APOA4: variants seen among roughly 807,000 people sequenced by gnomAD.
The protein encoded by APOA4 is apolipoprotein A-IV.
APOA4 carries 25 observed loss-of-function variants against 33.6 expected under a neutral mutation model. That is an observed-to-expected ratio of 0.74 (90% confidence interval 0.54 to 1.04). The LOEUF (loss-of-function observed/expected upper bound fraction) is 1.04, where lower values mean the gene tolerates loss of function less well. Among genes scored for constraint, APOA4 ranks in the 50% least tolerant of loss-of-function variants. The pLI is 0.00. For synonymous variants in APOA4, 228 were observed against 224.0 expected, an observed-to-expected ratio of 1.02 and a Z score of -0.16; for missense variants, 549 against 510.4, an observed-to-expected ratio of 1.08 and a Z score of -0.73.
At chr11:116,822,029 G>C (rs1941333392) in intron 2 of APOA4, 148 bp from the exon 3 acceptor site, 1 of 944,418 alleles carries the variant, frequency 1.1e-6, no homozygotes, top group Non-Finnish European at 1.7e-6. Context: ...TGGTGGTGCA[G>C]ATTGGAGAGG....
At chr11:116,823,043 A>G in intron 1 of APOA4, 100 bp downstream of exon 1, 6 of 1,493,640 alleles carry the variant, frequency 4.0e-6, no homozygotes, top group Non-Finnish European at 5.6e-6. Flanking sequence ...CTGGGGGCTG[A>G]TGGGCACTCA....
In APOA4 at chr11:116,822,700, G is replaced by A. The variant is rs138490533; in HGVS notation, c.135C>T (p.Ala45=). Residue 45 remains alanine, a synonymous_variant, in exon 2 of 3, where the codon GCC becomes GCT. Transcript: ENST00000357780. ...GTTCAGATTTCTGGAGATGTTCCACGGCCTCCTTGGCATTGTTGCTCAGCT... is the reference window on the plus strand; with the variant it reads ...GTTCAGATTTCTGGAGATGTTCCACAGCCTCCTTGGCATTGTTGCTCAGCT... ...FSQLSNNAKE[A]VEHLQKSELT... is the part of the protein sequence containing the mutation. 32 of 1,614,184 alleles carry A rather than the reference G, an allele frequency of 2.0e-5. No individual in the cohort carries two copies. The highest frequency in any genetic ancestry group is 1.7e-4 in the African/African-American group (13 of 75,044).
At chr11:116,822,906 A>G in intron 1 of APOA4, 121 bp from the exon 2 acceptor site, 2 of 1,543,970 alleles carry the variant, frequency 1.3e-6, no homozygotes, top group East Asian at 4.5e-5. Flanking sequence ...TCCCTGTCTG[A>G]GCTTAGCTTT....
At position 116,822,684 on chromosome 11, in the gene APOA4, T is replaced by C. The variant is rs756047025; in HGVS notation, c.151A>G (p.Lys51Glu). The C allele has an allele frequency of 6.2e-7, 1 of 1,614,200 alleles. No individual in the cohort carries two copies. Among genetic ancestry groups the C allele is most frequent in the Non-Finnish European group, 8.5e-7 (1 of 1,180,038 alleles). ...TTGAGTTGCTGGGTGAGTTCAGATT[T>C]CTGGAGATGTTCCACGGCCTCCTTG... ...NAKEAVEHLQ[K>E]SELTQQLNAL... Residue 51 changes from lysine (K) to glutamate (E), a missense_variant, in exon 2 of 3, where the codon AAA becomes GAA. Physicochemically the swap from Lys to Glu is moderately conservative, Grantham distance 56. Coordinates refer to ENST00000357780, the MANE Select transcript of APOA4 (RefSeq NM_000482.4).
rs762156180 is a variant in APOA4 at position 116,821,136 on chromosome 11, CCA to C, written c.920_921del (p.Val307GlyfsTer65). The C allele has an allele frequency of 1.9e-6, 3 of 1,613,770 alleles. No individual in the cohort carries two copies. Among genetic ancestry groups the C allele is most frequent in the Non-Finnish European group, 2.5e-6 (3 of 1,180,048 alleles). ...TTGTTGAAGTTTTCCCCGTAGGGCT[CCA>C]CCCGGCGTCGGAACTCCTCCACCTG... ...DQQVEEFRRR[V>X]EPYGENFNKA... On this transcript the variant is annotated frameshift_variant, in exon 3 of 3. Transcript: ENST00000357780. LOFTEE classifies it high-confidence loss of function.
intron 2 of APOA4, 152 bp downstream of exon 2, chr11:116,822,507 T>G: frequency 8.7e-7 from 1 of 1,150,400 alleles, no homozygotes; most frequent in Non-Finnish European, 1.3e-6. Flanking sequence ...GGTTTACATA[T>G]GTGGATCCTA....
In APOA4 at chr11:116,821,656, G is replaced by A; in HGVS notation, c.402C>T (p.Arg134=). The part of the protein sequence containing the change: ...IGDNLRELQQ[R]LEPYADQLRT... ...GCAGCTGGTCCGCGTAGGGCTCCAG[G>A]CGCTGCTGAAGCTCTCGCAGGTTGT... Residue 134 remains arginine (R), a synonymous_variant, in exon 3 of 3, where the codon CGC becomes CGT. Coordinates refer to ENST00000357780, the MANE Select transcript of APOA4 (RefSeq NM_000482.4). The A allele has an allele frequency of 6.2e-7, 1 of 1,608,482 alleles. No individual in the cohort carries two copies. The highest frequency in any genetic ancestry group is 8.5e-7 in the Non-Finnish European group (1 of 1,176,016).
At position 116,822,828 on chromosome 11, in the gene APOA4, T is replaced by G. The variant is rs762295319; in HGVS notation, c.50-43A>C. The G allele has an allele frequency of 1.4e-5, 23 of 1,612,638 alleles. No individual in the cohort carries two copies. In the South Asian group the frequency reaches 2.2e-4, roughly 15 times the overall value. ...GCAATTCATGAGGCCCCGTCTCCTG[T>G]GTGGCCCCTCTGCTCCAGCTCTGAG... On this transcript the variant is annotated intron_variant, in intron 1 of 2. Coordinates refer to ENST00000357780, the MANE Select transcript of APOA4 (RefSeq NM_000482.4).
At position 116,821,192 on chromosome 11, in the gene APOA4, A is replaced by G; in HGVS notation, c.866T>C (p.Leu289Pro). Reference protein sequence around the residue: ...RGNTEGLQKSLAELGGHLDQQ... With the variant: ...RGNTEGLQKSPAELGGHLDQQ... ...GTCCAGGTGCCCACCCAGCTCTGCC[A>G]GTGACTTCTGCAGCCCCTCGGTGTT... is the stretch of plus-strand genomic sequence containing the variant. The change falls in exon 3 of 3, where the codon CTG becomes CCG. Residue 289 changes from leucine (L) to proline (P), a missense_variant. Physicochemically the swap from Leu to Pro is moderately conservative, Grantham distance 98. Coordinates refer to ENST00000357780, the MANE Select transcript of APOA4 (RefSeq NM_000482.4). 6.2e-7 allele frequency: 1 copy of G among 1,613,362 alleles called. No individual in the cohort carries two copies. Among genetic ancestry groups the G allele is most frequent in the Non-Finnish European group, 8.5e-7 (1 of 1,180,020 alleles).
chr11:116,821,793 C>T lies in APOA4; in HGVS notation c.265G>A (p.Glu89Lys). 2 of 1,594,830 alleles carry T rather than the reference C, an allele frequency of 1.3e-6. No individual in the cohort carries two copies. Among genetic ancestry groups the T allele is most frequent in the Non-Finnish European group, 1.7e-6 (2 of 1,162,382 alleles). ...TTCTCCGAGTCCTTGGCCAGGCGTT[C>T]ATGCAGCTCGGTGGCAAAGGGCACC... is the stretch of plus-strand genomic sequence containing the variant. The part of the protein sequence containing the change: ...KLVPFATELH[E>K]RLAKDSEKLK... The change falls in exon 3 of 3, where the codon GAA (glutamate) becomes AAA (lysine). Residue 89 changes from glutamate to lysine, a missense_variant. Transcript: ENST00000357780.
At position 116,823,153 on chromosome 11, in the gene APOA4, C is replaced by A; in HGVS notation, c.39G>T (p.Val13=). The A allele has an allele frequency of 6.2e-7, 1 of 1,614,066 alleles. No homozygotes were observed. Among genetic ancestry groups the A allele is most frequent in the East Asian group, 2.2e-5 (1 of 44,874 alleles). ...LKAVVLTLAL[V]AVAGARAEVS... is the part of the protein sequence containing the mutation. ...ACAGCTTCTACTCACCGGCGACAGC[C>A]ACCAGGGCCAGGGTCAGGACCACGG... Residue 13 remains valine, a synonymous_variant, in exon 1 of 3, where the codon GTG becomes GTT. Transcript: ENST00000357780.
rs140878274 is a variant in APOA4 at position 116,820,905 on chromosome 11, G to C, written c.1153C>G (p.Gln385Glu). ...GGGGCCAGCATCTGCACCTGCTCCTGCTGCTGCTCCTGCTGCTGTTCCTGC... is the reference window on the plus strand; with the variant it reads ...GGGGCCAGCATCTGCACCTGCTCCTCCTGCTGCTCCTGCTGCTGTTCCTGC... ...QQQEQQQEQQQEQVQMLAPLE... is the reference protein window; with the variant it reads ...QQQEQQQEQQEEQVQMLAPLE... Residue 385 changes from glutamine (Q) to glutamate (E), a missense_variant, in exon 3 of 3, where the codon CAG (glutamine) becomes GAG (glutamate). Gln to Glu is a conservative substitution (Grantham distance 29). Coordinates refer to ENST00000357780, the MANE Select transcript of APOA4 (RefSeq NM_000482.4). 5 of 1,613,536 alleles carry C rather than the reference G, an allele frequency of 3.1e-6. No homozygotes were observed. The South Asian group carries it at 4.4e-5, about 14-fold the overall frequency.
Position 116,821,687 on chromosome 11 carries a change from A to G in APOA4, c.371T>C (p.Ile124Thr), listed in dbSNP as rs1326509053. The G allele has an allele frequency of 2.5e-6, 4 of 1,593,668 alleles. No homozygotes were observed. Among genetic ancestry groups the G allele is most frequent in the Non-Finnish European group, 3.4e-6 (4 of 1,163,578 alleles). Residue 124 changes from isoleucine (I) to threonine (T), a missense_variant, in exon 3 of 3, where the codon ATC becomes ACC. Ile to Thr is a moderately conservative substitution (Grantham distance 89, BLOSUM62 -1). Coordinates refer to ENST00000357780, the MANE Select transcript of APOA4 (RefSeq NM_000482.4). The part of the protein sequence containing the change: ...LPHANEVSQK[I>T]GDNLRELQQR... ...CTGAAGCTCTCGCAGGTTGTCCCCGATCTTCTGGCTCACCTCATTGGCATG... is the reference window on the plus strand; with the variant it reads ...CTGAAGCTCTCGCAGGTTGTCCCCGGTCTTCTGGCTCACCTCATTGGCATG...
At chr11:116,822,901 G>C in intron 1 of APOA4, 116 bp from the exon 2 acceptor site, 2 of 1,552,262 alleles carry the variant, frequency 1.3e-6, no homozygotes, top group Non-Finnish European at 1.8e-6. Context: ...CATTTTCCCT[G>C]TCTGAGCTTA....
Position 116,823,167 on chromosome 11 carries a change from T to C in APOA4, c.25A>G (p.Thr9Ala). 6.2e-7 allele frequency: 1 copy of C among 1,613,956 alleles called. No individual in the cohort carries two copies. Among genetic ancestry groups the C allele is most frequent in the Non-Finnish European group, 8.5e-7 (1 of 1,179,990 alleles). The stretch of plus-strand genomic sequence containing the variant: ...CCGGCGACAGCCACCAGGGCCAGGG[T>C]CAGGACCACGGCCTTCAGGAACATC... MFLKAVVLTLALVAVAGAR... is the reference protein window; with the variant it reads MFLKAVVLALALVAVAGAR... Residue 9 changes from threonine to alanine, a missense_variant, in exon 1 of 3, where the codon ACC becomes GCC. Thr to Ala is a moderately conservative substitution (Grantham distance 58). Transcript: ENST00000357780.
intron 1 of APOA4, 91 bp downstream of exon 1, chr11:116,823,052 C>T: frequency 1.3e-6 from 2 of 1,533,382 alleles, no homozygotes; most frequent in Admixed American, 3.3e-5. Context: ...GATGGGCACT[C>T]AGAAGTGTCC....
rs773393056 is a variant in APOA4, at chr11:116,821,102, A to C, written c.956T>G (p.Val319Gly). The change falls in exon 3 of 3, where the codon GTG (valine) becomes GGG (glycine). Residue 319 changes from valine (V) to glycine (G), a missense_variant. Physicochemically the swap from Val to Gly is moderately radical, Grantham distance 109. Transcript: ENST00000357780. ...CTGCCTGAGCTGTTCCATCTGCTGC[A>C]CCAGGGCTTTGTTGAAGTTTTCCCC... ...PYGENFNKAL[V>G]QQMEQLRQKL... The C allele has an allele frequency of 3.1e-6, 5 of 1,613,892 alleles. No homozygotes were observed. The African/African-American group carries it at 6.7e-5, about 22-fold the overall frequency.
Position 116,820,812 on chromosome 11 carries a change from G to A in APOA4, c.*55C>T, listed in dbSNP as rs898117278. 2 of 1,594,810 alleles carry A rather than the reference G, an allele frequency of 1.3e-6. No homozygotes were observed. Among genetic ancestry groups the A allele is most frequent in the Non-Finnish European group, 1.7e-6 (2 of 1,170,972 alleles). On this transcript the variant is annotated 3_prime_UTR_variant, in exon 3 of 3. Transcript: ENST00000357780. The stretch of plus-strand genomic sequence containing the variant: ...CTTCTTTGGGACAGACAGACAGACA[G>A]GTGGCAGGGCAGGGCAGGTGTCCAC...
At position 116,820,953 on chromosome 11, in the gene APOA4, A is replaced by T; in HGVS notation, c.1105T>A (p.Ser369Thr). 6.2e-7 allele frequency: 1 copy of T among 1,614,028 alleles called. No homozygotes were observed. The highest frequency in any genetic ancestry group is 8.5e-7 in the Non-Finnish European group (1 of 1,180,008). The change falls in exon 3 of 3, where the codon TCC becomes ACC. Residue 369 changes from serine (S) to threonine (T), a missense_variant. By Grantham distance (58) the Ser-to-Thr change is moderately conservative. Coordinates refer to ENST00000357780, the MANE Select transcript of APOA4 (RefSeq NM_000482.4). ...KEKESQDKTL[S>T]LPELEQQQEQ... Reference sequence around the variant, plus strand: ...TGCTGTTGCTCCAGCTCAGGGAGGGAGAGAGTCTTGTCCTGGCTCTCTTTC... The same window carrying T: ...TGCTGTTGCTCCAGCTCAGGGAGGGTGAGAGTCTTGTCCTGGCTCTCTTTC...
Sources: allele counts gnomAD v4.1 joint callset, GRCh38; gene constraint gnomAD v4.1.1; transcripts MANE v1.5; gene names NCBI Gene and HGNC (gene_info 2026-07-23, HGNC 2026-07-21).